The following IPO11 variants were observed in gnomAD, a reference collection of about 807,000 sequenced individuals.
IPO11 encodes the protein importin 11.
IPO11 carries 66 observed loss-of-function variants against 143.2 expected under a neutral mutation model. The observed-to-expected ratio is 0.46, with a 90% CI of 0.38 to 0.57. The LOEUF (loss-of-function observed/expected upper bound fraction) is 0.57, where lower values mean the gene tolerates loss of function less well. Among genes scored for constraint, IPO11 ranks in the 20% least tolerant of loss-of-function variants. The pLI is 0.00. For missense variants in IPO11, 1,026 were observed against 1,141.0 expected (o/e 0.90, Z 1.45); for synonymous variants, 385 against 377.8 (o/e 1.02, Z -0.22).
In IPO11 at chr5:62,508,130, A is replaced by T. The variant is rs1349243813; in HGVS notation, c.1782+1773A>T. 2.0e-5 allele frequency among the ~76,000 whole-genome samples: 3 copies of T among 152,010 alleles called. No homozygotes were observed. The East Asian group carries it at 5.8e-4, about 29-fold the overall frequency. On this transcript the variant is annotated intron_variant, in intron 19 of 29. Coordinates refer to ENST00000325324, the MANE Select transcript of IPO11 (RefSeq NM_016338.5). Reference sequence around the variant, plus strand: ...AGCAAACTTTTAAAAAATGTTAACAAATTTTATCTTTTTTGAGATGAAGTC... The same window carrying T: ...AGCAAACTTTTAAAAAATGTTAACATATTTTATCTTTTTTGAGATGAAGTC...
At position 62,537,251 on chromosome 5, in the gene IPO11, A is replaced by G. The variant is rs761022511; in HGVS notation, c.2212A>G (p.Lys738Glu). 1.9e-6 allele frequency: 3 copies of G among 1,607,322 alleles called. No homozygotes were observed. The highest frequency in any genetic ancestry group is 1.7e-5 in the Admixed American group (1 of 59,950). ...GLCQSFCELL[K>E]EITTEGQVQV... ...ATGCCAGTCCTTTTGTGAACTTTTAAAGGAAATTACTACAGAAGGTCAAGT... is the reference window on the plus strand; with the variant it reads ...ATGCCAGTCCTTTTGTGAACTTTTAGAGGAAATTACTACAGAAGGTCAAGT... Residue 738 changes from lysine to glutamate, a missense_variant, in exon 24 of 30, where the codon AAG (lysine) becomes GAG (glutamate). By Grantham distance (56) the Lys-to-Glu change is moderately conservative. Coordinates refer to ENST00000325324, the MANE Select transcript of IPO11 (RefSeq NM_016338.5).
intron 8 of IPO11, 116 bp from the exon 9 acceptor site, chr5:62,476,567 A>G: frequency 8.9e-7 from 1 of 1,127,062 alleles, no homozygotes; most frequent in South Asian, 1.6e-5. Context: ...TAAATAATGA[A>G]TTCATAATGC....
chr5:62,470,434 A>G (rs1745725293), intron 7 of IPO11, 126 bp downstream of exon 7: 1 of 818,508 alleles, frequency 1.2e-6, no homozygotes. Context: ...CTAGTTTTTT[A>G]CCATTCTGAC....
intron 5 of IPO11, among the ~76,000 whole-genome samples, chr5:62,455,515 T>C (rs1169587639): frequency 6.6e-6 from 1 of 151,664 alleles, no homozygotes; most frequent in Non-Finnish European, 1.5e-5. Flanking sequence ...AGAGAGAGAG[T>C]GTCTCAAAAG....
intron 2 of IPO11, among the ~76,000 whole-genome samples, chr5:62,438,718 C>T (rs1165697786): frequency 6.7e-6 from 1 of 149,270 alleles, no homozygotes; most frequent in Non-Finnish European, 1.5e-5. Flanking sequence ...TGCCATTGTA[C>T]TCCAGTCTGG....
Position 62,472,462 on chromosome 5 carries a change from G to A in IPO11, c.709-1954G>A, listed in dbSNP as rs575859661. Among the ~76,000 whole-genome samples, 47 of 151,218 alleles carry A rather than the reference G, an allele frequency of 3.1e-4. No individual in the cohort carries two copies. The South Asian group carries it at 8.0e-3, about 26-fold the overall frequency. ...ATAAATGCCTTATTGTAGCAATTAA[G>A]TACATCAGTCAATTAGAGGATAAAA... On this transcript the variant is annotated intron_variant, in intron 7 of 29. Coordinates refer to ENST00000325324, the MANE Select transcript of IPO11 (RefSeq NM_016338.5).
chr5:62,595,095 A>G (rs921229427), intron 28 of IPO11, among the ~76,000 whole-genome samples: 1 of 152,224 alleles, frequency 6.6e-6, no homozygotes, highest in African/African-American at 2.4e-5. Flanking sequence ...AATGCATGTT[A>G]GAAATGCAGA....
chr5:62,578,300 GATAAT>G (rs1744397954), intron 27 of IPO11, among the ~76,000 whole-genome samples: 1 of 151,936 alleles, frequency 6.6e-6, no homozygotes, highest in African/African-American at 2.4e-5. Context: ...AGCACTGGAG[GATAAT>G]ATAACAACAT....
chr5:62,579,270 AC>A, intron 27 of IPO11: 1 of 657,720 alleles, frequency 1.5e-6, no homozygotes. Context: ...TTTTGCTATT[AC>A]CATGGTATGA....
At chr5:62,576,784 A>G (rs900502213) in intron 27 of IPO11, among the ~76,000 whole-genome samples, 2 of 152,242 alleles carry the variant, frequency 1.3e-5, no homozygotes, top group Admixed American at 6.5e-5. Flanking sequence ...CTGTGTCTCA[A>G]AAGAATACAT....
intron 5 of IPO11, among the ~76,000 whole-genome samples, chr5:62,459,912 G>T (rs1745297052): frequency 6.6e-6 from 1 of 152,108 alleles, no homozygotes; most frequent in Non-Finnish European, 1.5e-5. Flanking sequence ...TTATTGTTAA[G>T]AATACAGGTG....
chr5:62,415,022 TA>T (rs1371055817), intron 1 of IPO11, among the ~76,000 whole-genome samples: 1 of 152,196 alleles, frequency 6.6e-6, no homozygotes, highest in Non-Finnish European at 1.5e-5. Context: ...CTTGTTATAT[TA>T]AAAACGGACT....
chr5:62,504,860 G>C lies in IPO11; in HGVS notation c.1627G>C (p.Val543Leu). ...IETATTLKLT[V>L]DDFEFRTDQF... ...AGTATTCCTTAACTGTTCTTCACCT[G>C]TTGATGATTTTGAATTTAGAACAGA... Residue 543 changes from valine (V) to leucine (L), a missense_variant and splice_region_variant, in exon 18 of 30, where the codon GTT (valine) becomes CTT (leucine). Around this residue, in one of 5 missense-constraint regions of IPO11, gnomAD observed 237 missense variants for 288.0 expected, o/e 0.82. Transcript: ENST00000325324. The C allele has an allele frequency of 6.4e-7, 1 of 1,556,972 alleles. No homozygotes were observed.
intron 27 of IPO11, among the ~76,000 whole-genome samples, chr5:62,574,776 G>C (rs902868036): frequency 3.3e-5 from 5 of 152,140 alleles, no homozygotes; most frequent in African/African-American, 1.2e-4. Flanking sequence ...TGTGTAACAG[G>C]AACAGAGATC....
chr5:62,485,512 A>G (rs1012586170), intron 12 of IPO11, 50 bp downstream of exon 12: 20 of 1,383,458 alleles, frequency 1.4e-5, no homozygotes, highest in African/African-American at 1.4e-4. Context: ...TAATCTTTCT[A>G]AAGCTCTTAG....
At chr5:62,627,098 G>A (rs1273669379) in intron 29 of IPO11, 56 bp from the exon 30 acceptor site, 7 of 1,495,198 alleles carry the variant, frequency 4.7e-6, no homozygotes, top group Admixed American at 2.0e-5. Flanking sequence ...TAAATTGCAG[G>A]TAGGAGAGAC....
chr5:62,538,101 G>C (rs1580299536), intron 24 of IPO11, among the ~76,000 whole-genome samples: 3 of 152,138 alleles, frequency 2.0e-5, no homozygotes, highest in African/African-American at 7.2e-5. Context: ...TAAGATATGA[G>C]AGCTGAATTT....
chr5:62,434,896 G>A (rs377686828), intron 1 of IPO11, among the ~76,000 whole-genome samples: 4 of 151,056 alleles, frequency 2.6e-5, no homozygotes, highest in South Asian at 4.2e-4. Context: ...GTGGTGGCTC[G>A]CGCCTGTAGT....
intron 22 of IPO11, among the ~76,000 whole-genome samples, chr5:62,534,299 G>A (rs1742664348): frequency 6.6e-6 from 1 of 152,022 alleles, no homozygotes; most frequent in African/African-American, 2.4e-5. Context: ...TATTGCAAAT[G>A]CAACACTAAT....
Sources: allele counts gnomAD v4.1 joint callset (sites outside exome capture counted in the v4.1 genomes callset), GRCh38; gene constraint gnomAD v4.1.1; regional missense constraint gnomAD v4.1.1; transcripts MANE v1.5; gene names NCBI Gene and HGNC (gene_info 2026-07-23, HGNC 2026-07-21).